ADGRD1: variants seen among roughly 807,000 people sequenced by gnomAD.
ADGRD1 encodes the protein G-protein coupled receptor 133.
ADGRD1 carries 77 observed loss-of-function variants against 113.4 expected under a neutral mutation model. That is an observed-to-expected ratio of 0.68 (90% CI 0.57 to 0.82). ADGRD1 has a LOEUF of 0.82. Among genes scored for constraint, ADGRD1 ranks in the 40% least tolerant of loss-of-function variants. ADGRD1 has a pLI of 0.00. For missense variants in ADGRD1, 1,036 were observed against 1,139.1 expected (o/e 0.91, Z 1.30); for synonymous variants, 474 against 475.0 (o/e 1.00, Z 0.03).
At chr12:131,049,129 C>G (rs1883132025) in intron 13 of ADGRD1, among the ~76,000 whole-genome samples, 1 of 152,236 alleles carries the variant, frequency 6.6e-6, no homozygotes, top group South Asian at 2.1e-4. Context: ...GCTCAGGTGC[C>G]TGCTCCTTTG....
At chr12:131,009,012 G>T (rs1258487321) in intron 12 of ADGRD1, among the ~76,000 whole-genome samples, 1 of 152,258 alleles carries the variant, frequency 6.6e-6, no homozygotes, top group East Asian at 1.9e-4. Flanking sequence ...GCTATCAGTG[G>T]ATGTGCACAC....
chr12:131,058,890 G>C (rs757574318), intron 13 of ADGRD1, among the ~76,000 whole-genome samples: 11 of 152,204 alleles, frequency 7.2e-5, no homozygotes, highest in Non-Finnish European at 1.5e-5. Flanking sequence ...GCTTGAATCT[G>C]TGTGTTTATA....
intron 12 of ADGRD1, among the ~76,000 whole-genome samples, chr12:131,012,869 C>G (rs1040145027): frequency 6.6e-6 from 1 of 152,174 alleles, no homozygotes; most frequent in Admixed American, 6.5e-5. Context: ...CCGGGTGAGG[C>G]CCACACAGAA....
chr12:130,999,275 A>G (rs1443953848), intron 8 of ADGRD1, among the ~76,000 whole-genome samples: 1 of 152,260 alleles, frequency 6.6e-6, no homozygotes, highest in Non-Finnish European at 1.5e-5. Context: ...TTGCACTGCC[A>G]TGGCAGAGTT....
At chr12:131,058,515 C>T (rs1289641333) in intron 13 of ADGRD1, among the ~76,000 whole-genome samples, 1 of 152,168 alleles carries the variant, frequency 6.6e-6, no homozygotes, top group Non-Finnish European at 1.5e-5. Context: ...TTATCATTTC[C>T]TTTCCATTTC....
chr12:130,958,686 C>T (rs1033126199), intron 2 of ADGRD1, among the ~76,000 whole-genome samples: 11 of 152,202 alleles, frequency 7.2e-5, no homozygotes, highest in Non-Finnish European at 1.5e-4. Flanking sequence ...GGCCCTGGCG[C>T]GTCTCCTCAG....
chr12:131,117,703 G>A (rs1168619899), intron 18 of ADGRD1, among the ~76,000 whole-genome samples: 9 of 152,174 alleles, frequency 5.9e-5, no homozygotes, highest in Admixed American at 5.9e-4. Flanking sequence ...AGCCCACCTG[G>A]ACCTCATGGA....
chr12:131,013,463 C>T (rs1255197300), intron 12 of ADGRD1, among the ~76,000 whole-genome samples: 1 of 152,066 alleles, frequency 6.6e-6, no homozygotes, highest in Non-Finnish European at 1.5e-5. Flanking sequence ...GGTCTTTGAG[C>T]CCTCATTCTC....
intron 15 of ADGRD1, among the ~76,000 whole-genome samples, chr12:131,102,070 G>T (rs1309015003): frequency 6.6e-6 from 1 of 152,174 alleles, no homozygotes; most frequent in Non-Finnish European, 1.5e-5. Flanking sequence ...ACTCTTAAGT[G>T]GCTTTATATT....
At chr12:131,114,009 ACACT>A (rs1486090915) in intron 18 of ADGRD1, among the ~76,000 whole-genome samples, 3 of 152,206 alleles carry the variant, frequency 2.0e-5, no homozygotes, top group East Asian at 1.9e-4. Context: ...ACACGCACAC[ACACT>A]CACACTCTCC....
rs1951221489 is a variant in ADGRD1 at position 131,140,636 on chromosome 12, A to G, written c.*1373A>G. The stretch of plus-strand genomic sequence containing the variant: ...TTTCATTCAGCCCCTCCACACCCCT[A>G]TGTCTGCCTTGTTTCAGAGTGAGTT... On this transcript the variant is annotated 3_prime_UTR_variant, in exon 25 of 25. Coordinates refer to ENST00000261654, the MANE Select transcript of ADGRD1 (RefSeq NM_198827.5). 6.6e-6 allele frequency: 1 copy of G among 152,200 alleles called. No homozygotes were observed. The allele number at this position is 152,200 out of a possible 1,614,324, so 9.4% of individuals were successfully genotyped here.
chr12:131,094,581 C>CA (rs1887148438), intron 15 of ADGRD1, among the ~76,000 whole-genome samples: 2 of 131,132 alleles, frequency 1.5e-5, no homozygotes, highest in African/African-American at 5.0e-5. Flanking sequence ...TGTTCAGCAG[C>CA]GCCCCCCCGA....
In ADGRD1 at chr12:131,139,505, T is replaced by G; in HGVS notation, c.*242T>G. On this transcript the variant is annotated 3_prime_UTR_variant, in exon 25 of 25. Coordinates refer to ENST00000261654, the MANE Select transcript of ADGRD1 (RefSeq NM_198827.5). ...TGCATCCACCCGTGGGCTGAGTGAC[T>G]TCCTCGGGGGATTCCCAGGACACAG... The G allele has an allele frequency of 6.2e-6, 3 of 484,738 alleles. No individual in the cohort carries two copies. Among genetic ancestry groups the G allele is most frequent in the East Asian group, 3.7e-5 (1 of 27,254 alleles). The allele number at this position is 484,738 out of a possible 1,614,324, so 30.0% of individuals were successfully genotyped here.
chr12:131,128,112 C>G (rs1276498803), intron 20 of ADGRD1, among the ~76,000 whole-genome samples: 4 of 140,338 alleles, frequency 2.9e-5, no homozygotes, highest in African/African-American at 1.1e-4. Flanking sequence ...GGATTCTGAG[C>G]TCAGGTGGGG....
At chr12:131,034,326 C>A (rs1881146954) in intron 13 of ADGRD1, among the ~76,000 whole-genome samples, 1 of 152,244 alleles carries the variant, frequency 6.6e-6, no homozygotes, top group Admixed American at 6.5e-5. Flanking sequence ...GAATGCTCTT[C>A]CCCCGGGTCC....
chr12:130,966,449 CT>C lies in ADGRD1; in HGVS notation c.104-8del. 1.9e-6 allele frequency: 3 copies of C among 1,574,684 alleles called. No individual in the cohort carries two copies. Among genetic ancestry groups the C allele is most frequent in the Non-Finnish European group, 2.6e-6 (3 of 1,144,272 alleles). On this transcript the variant is annotated splice_polypyrimidine_tract_variant and intron_variant, in intron 2 of 24. Coordinates refer to ENST00000261654, the MANE Select transcript of ADGRD1 (RefSeq NM_198827.5). This position sits in a 1 kb window ranked among gnomAD's most constrained non-coding sequence, Gnocchi z 4.6. Reference sequence around the variant, plus strand: ...CTAATGATGATTTAAAATTTTTATTCTTTTTTCCCCAAGGATTTCAGGTGTT... The same window carrying C: ...CTAATGATGATTTAAAATTTTTATTCTTTTTCCCCAAGGATTTCAGGTGTT...
At chr12:131,098,274 T>C (rs1441161162) in intron 15 of ADGRD1, among the ~76,000 whole-genome samples, 1 of 138,814 alleles carries the variant, frequency 7.2e-6, no homozygotes, top group East Asian at 2.3e-4. Flanking sequence ...GGGGAGGGTC[T>C]TGCTTTCCCA....
intron 13 of ADGRD1, among the ~76,000 whole-genome samples, chr12:131,029,700 A>G (rs12231185): frequency 0.03 from 1,265 of 41,818 alleles, 9 homozygotes; most frequent in African/African-American, 0.071. Context: ...AGGCTCTGGG[A>G]TTAGGTTGTG....
intron 8 of ADGRD1, among the ~76,000 whole-genome samples, chr12:130,998,403 G>A (rs1339474788): frequency 6.6e-6 from 1 of 152,170 alleles, no homozygotes; most frequent in African/African-American, 2.4e-5. Context: ...CTGACCTGAT[G>A]AGAAGTCAAA....
Sources: gnomAD v4.1 joint callset for allele counts (sites outside exome capture counted in the v4.1 genomes callset) on GRCh38, gnomAD v4.1.1 for gene constraint, Gnocchi (gnomAD v3.1) non-coding constraint, MANE v1.5 for transcripts, NCBI Gene and HGNC (gene_info 2026-07-23, HGNC 2026-07-21) for gene names.